Variants in LHCGR observed in about 807,000 individuals in gnomAD.
The protein encoded by LHCGR is lutropin-choriogonadotropic hormone receptor.
A neutral mutation model predicts 60.7 loss-of-function variants in LHCGR; 55 were observed. That is an observed-to-expected ratio of 0.91 (90% CI 0.73 to 1.13). The LOEUF (loss-of-function observed/expected upper bound fraction) is 1.13. LHCGR is among the 50% of genes most tolerant of loss of function. LHCGR has a pLI of 0.00. For missense variants in LHCGR, 862 were observed against 836.0 expected, an observed-to-expected ratio of 1.03 and a Z score of -0.38; for synonymous variants, 337 against 316.5, an observed-to-expected ratio of 1.06 and a Z score of -0.69.
intron 1 of LHCGR, among the ~76,000 whole-genome samples, chr2:48,737,424 TG>T (rs1669248566): frequency 6.6e-6 from 1 of 152,260 alleles, no homozygotes; most frequent in Non-Finnish European, 1.5e-5. Flanking sequence ...TTGGTGTTTT[TG>T]TATTTATTAA....
chr2:48,729,224 T>G lies in LHCGR; in HGVS notation c.237A>C (p.Glu79Asp). 1 of 1,605,136 alleles carries G rather than the reference T, an allele frequency of 6.2e-7. No individual in the cohort carries two copies. Among genetic ancestry groups the G allele is most frequent in the Non-Finnish European group, 8.5e-7 (1 of 1,173,670 alleles). The change falls in exon 3 of 11, where the codon GAA (glutamate) becomes GAC (aspartate). Residue 79 changes from glutamate (E) to aspartate (D), a missense_variant. Transcript: ENST00000294954. ...FRGLNEVIKI[E>D]ISQIDSLERI... is the part of the protein sequence containing the mutation. ...TTTCCAGGGAATCAATCTGAGAGATTTCACTAGGGAAGAGAGGAGGGGGAA... is the reference window on the plus strand; with the variant it reads ...TTTCCAGGGAATCAATCTGAGAGATGTCACTAGGGAAGAGAGGAGGGGGAA...
At chr2:48,708,926 G>C (rs765798859) in intron 8 of LHCGR, 22 bp downstream of exon 8, 7 of 1,602,274 alleles carry the variant, frequency 4.4e-6, no homozygotes, top group Non-Finnish European at 6.0e-6. Context: ...GCAGGGAGGG[G>C]AGGCAGCACC....
At chr2:48,690,382 C>T (rs374080401) in intron 10 of LHCGR, among the ~76,000 whole-genome samples, 23 of 152,294 alleles carry the variant, frequency 1.5e-4, no homozygotes, top group African/African-American at 4.3e-4. Flanking sequence ...AATTAATATC[C>T]GTGTGCCTCA....
intron 1 of LHCGR, among the ~76,000 whole-genome samples, chr2:48,739,744 A>G (rs551657956): frequency 2.6e-5 from 4 of 152,178 alleles, no homozygotes; most frequent in Non-Finnish European, 5.9e-5. Context: ...GCACACCAAC[A>G]TGGCACATGT....
At chr2:48,752,997 T>TGGGGGGGGGGTGGGGGGGGGGGGGG (rs1558909396) in intron 1 of LHCGR, among the ~76,000 whole-genome samples, 1 of 18,436 alleles carries the variant, frequency 5.4e-5, no homozygotes, top group Non-Finnish European at 9.8e-5. Flanking sequence ...GGGGGGGGGG[T>TGGGGGGGGGGTGGGGGGGGGGGGGG]GGGGAAGGGA....
At chr2:48,731,345 G>T (rs775425050) in intron 1 of LHCGR, 47 bp from the exon 2 acceptor site, 1 of 1,375,066 alleles carries the variant, frequency 7.3e-7, no homozygotes, top group South Asian at 1.2e-5. Flanking sequence ...TTATGATAGG[G>T]TGCCTTTTAA....
At chr2:48,743,159 T>C (rs1572890201) in intron 1 of LHCGR, among the ~76,000 whole-genome samples, 1 of 152,320 alleles carries the variant, frequency 6.6e-6, no homozygotes, top group East Asian at 1.9e-4. Context: ...GCTGAATCTC[T>C]GAATAGACCA....
At chr2:48,745,861 A>T (rs1047989125) in intron 1 of LHCGR, among the ~76,000 whole-genome samples, 92 of 151,412 alleles carry the variant, frequency 6.1e-4, no homozygotes, top group African/African-American at 1.9e-3. Context: ...ATAAATAAAT[A>T]AAAAATTAAA....
intron 8 of LHCGR, among the ~76,000 whole-genome samples, chr2:48,707,838 C>T (rs749239769): frequency 3.9e-5 from 6 of 152,202 alleles, no homozygotes; most frequent in African/African-American, 7.2e-5. Context: ...GAGCCAGGCA[C>T]GGGAGGGAAT....
chr2:48,698,576 C>T, intron 9 of LHCGR, 39 bp downstream of exon 9: 1 of 1,556,188 alleles, frequency 6.4e-7, no homozygotes, highest in South Asian at 1.1e-5. Flanking sequence ...GAATTTCTGC[C>T]ACAGCTTGGG....
chr2:48,742,876 A>C (rs974172172), intron 1 of LHCGR, among the ~76,000 whole-genome samples: 3 of 152,094 alleles, frequency 2.0e-5, no homozygotes, highest in African/African-American at 7.2e-5. Context: ...GACACAAAAA[A>C]CCCTTCAAAA....
intron 8 of LHCGR, 36 bp downstream of exon 8, chr2:48,708,912 C>G: frequency 6.4e-7 from 1 of 1,557,636 alleles, no homozygotes; most frequent in Non-Finnish European, 8.9e-7. Context: ...TTGGGGTACA[C>G]TGGGCAGGGA....
At chr2:48,698,998 C>T (rs573949000) in intron 8 of LHCGR, among the ~76,000 whole-genome samples, 198 bp from the exon 9 acceptor site, 7 of 152,190 alleles carry the variant, frequency 4.6e-5, no homozygotes, top group East Asian at 1.9e-4. Flanking sequence ...CCCGCTACCA[C>T]GCCCGGCTAA....
At chr2:48,748,482 T>A (rs970739315) in intron 1 of LHCGR, among the ~76,000 whole-genome samples, 1 of 152,150 alleles carries the variant, frequency 6.6e-6, no homozygotes, top group East Asian at 1.9e-4. Flanking sequence ...GGCCAGAAAT[T>A]AGACTCAAGG....
intron 1 of LHCGR, among the ~76,000 whole-genome samples, chr2:48,743,503 G>A (rs1178697591): frequency 6.6e-6 from 1 of 152,156 alleles, no homozygotes; most frequent in African/African-American, 2.4e-5. Flanking sequence ...CCATGATCAA[G>A]TGGGCTTCAT....
intron 6 of LHCGR, among the ~76,000 whole-genome samples, chr2:48,714,286 T>C (rs567114215): frequency 1.3e-5 from 2 of 152,310 alleles, no homozygotes; most frequent in South Asian, 4.1e-4. Flanking sequence ...ATTTCCATTA[T>C]ACCGACAAGA....
intron 8 of LHCGR, among the ~76,000 whole-genome samples, chr2:48,707,509 T>G (rs1667750423): frequency 6.6e-6 from 1 of 152,240 alleles, no homozygotes; most frequent in Admixed American, 6.5e-5. Context: ...CCCCTTCCCC[T>G]AGGTGCTCTG....
At chr2:48,725,816 A>G in intron 3 of LHCGR, 66 bp from the exon 4 acceptor site, 1 of 1,300,384 alleles carries the variant, frequency 7.7e-7, no homozygotes, top group African/African-American at 1.5e-5. Context: ...AATGTGTGAG[A>G]TCATGGTCAC....
At chr2:48,748,647 C>T (rs1223722982) in intron 1 of LHCGR, among the ~76,000 whole-genome samples, 1 of 152,216 alleles carries the variant, frequency 6.6e-6, no homozygotes, top group Non-Finnish European at 1.5e-5. Flanking sequence ...TTCAACCTCA[C>T]ATATGGGCTG....
Sources: allele counts gnomAD v4.1 joint callset (sites outside exome capture counted in the v4.1 genomes callset), GRCh38; gene constraint gnomAD v4.1.1; transcripts MANE v1.5; gene names NCBI Gene and HGNC (gene_info 2026-07-23, HGNC 2026-07-21).